The following TCF12 variants were observed in gnomAD, a reference collection of about 807,000 sequenced individuals.
TCF12 encodes transcription factor 12, also known as DNA-binding protein HTF4.
Under a neutral mutation model 86.0 loss-of-function variants are expected in TCF12, and 45 were observed. That is an observed-to-expected ratio of 0.52 (90% CI 0.41 to 0.67). The LOEUF (loss-of-function observed/expected upper bound fraction) is 0.67, where lower values mean the gene tolerates loss of function less well. TCF12 is among the 30% of genes least tolerant of loss of function. The probability of loss-of-function intolerance (pLI) is 0.00; values close to 1 mark genes in which losing one functional copy is unlikely to be tolerated. For synonymous variants in TCF12, 330 were observed against 299.6 expected, an observed-to-expected ratio of 1.10 and a Z score of -1.05; for missense variants, 881 against 859.9, an observed-to-expected ratio of 1.02 and a Z score of -0.31.
chr15:57,097,510 G>A (rs1413721736), intron 5 of TCF12, among the ~76,000 whole-genome samples: 2 of 151,858 alleles, frequency 1.3e-5, no homozygotes, highest in Admixed American at 1.3e-4. Context: ...CTGGGCAACA[G>A]ATCCAACCCT....
chr15:57,170,709 TATAATATATATATTATATATTATATATA>T (rs2055345242), intron 6 of TCF12, among the ~76,000 whole-genome samples: 5 of 14,518 alleles, frequency 3.4e-4, no homozygotes, highest in African/African-American at 1.4e-3. Flanking sequence ...ATATATAATA[TATAATATATATATTATATATTATATATA>T]ATATATATTA....
chr15:57,166,470 A>G lies in TCF12; in HGVS notation c.390+4A>G. On this transcript the variant is annotated splice_donor_region_variant and intron_variant, in intron 6 of 20. Transcript: ENST00000333725. ...TACTGGATTACCAGGCTGTCAAGTA[A>G]GTTTAATGATTAAAAAAAGCAATGA... 1 of 1,611,184 alleles carries G rather than the reference A, an allele frequency of 6.2e-7. No individual in the cohort carries two copies. Among genetic ancestry groups the G allele is most frequent in the Non-Finnish European group, 8.5e-7 (1 of 1,178,798 alleles).
chr15:57,170,682 TATATATA>T (rs1312578701), intron 6 of TCF12, among the ~76,000 whole-genome samples: 615 of 12,712 alleles, frequency 0.048, 11 homozygotes, highest in Middle Eastern at 0.15. Flanking sequence ...TATAATATAT[TATATATA>T]ATATATATTA....
chr15:57,252,735 G>C (rs1490769692), intron 15 of TCF12, among the ~76,000 whole-genome samples: 1 of 151,816 alleles, frequency 6.6e-6, no homozygotes, highest in Non-Finnish European at 1.5e-5. Flanking sequence ...TTGTGTATGG[G>C]GCATGTGTGT....
rs143715329 is a variant in TCF12 at position 56,941,373 on chromosome 15, A to T, written c.148+20275A>T. ...TAGTGTGGGACCCTGTCTCAAAAAA[A>T]TTTTTTTTTTTTTTTTGAGATGGAG... On this transcript the variant is annotated intron_variant, in intron 3 of 20. Coordinates refer to ENST00000333725, the MANE Select transcript of TCF12 (RefSeq NM_207037.2). Among the ~76,000 whole-genome samples the T allele has an allele frequency of 5.7e-4, 82 of 143,208 alleles. 2 individuals carry two copies. The highest frequency in any genetic ancestry group is 1.8e-3 in the South Asian group (8 of 4,404). 94.0% of individuals were successfully genotyped at this position (143,208 alleles called of 152,430 possible).
At chr15:56,924,141 A>G (rs1595696719) in intron 3 of TCF12, among the ~76,000 whole-genome samples, 2 of 152,248 alleles carry the variant, frequency 1.3e-5, no homozygotes, top group African/African-American at 4.8e-5. Flanking sequence ...AGATAGTTGT[A>G]GATTCATATG....
At chr15:57,150,226 T>C (rs1442173451) in intron 5 of TCF12, among the ~76,000 whole-genome samples, 1 of 152,178 alleles carries the variant, frequency 6.6e-6, no homozygotes, top group Non-Finnish European at 1.5e-5. Flanking sequence ...TCAAGATCTT[T>C]AGAGTTTGGT....
At chr15:57,196,106 CT>C (rs2057251343) in intron 7 of TCF12, among the ~76,000 whole-genome samples, 1 of 151,938 alleles carries the variant, frequency 6.6e-6, no homozygotes, top group Non-Finnish European at 1.5e-5. Flanking sequence ...CAGAGAATCA[CT>C]TGAGGCCACC....
At chr15:57,004,642 C>T (rs933325707) in intron 3 of TCF12, among the ~76,000 whole-genome samples, 1 of 152,150 alleles carries the variant, frequency 6.6e-6, no homozygotes, top group Non-Finnish European at 1.5e-5. Context: ...GTCTCCTGAC[C>T]TTGTGATCCA....
intron 5 of TCF12, among the ~76,000 whole-genome samples, chr15:57,165,947 A>T (rs1289223437): frequency 6.6e-6 from 1 of 152,148 alleles, no homozygotes. Context: ...TGGCTATATA[A>T]ATGTCTTTCA....
At chr15:57,103,938 G>A (rs2049936511) in intron 5 of TCF12, among the ~76,000 whole-genome samples, 1 of 152,116 alleles carries the variant, frequency 6.6e-6, no homozygotes, top group Admixed American at 6.6e-5. Flanking sequence ...AACCCGGGAG[G>A]TGGAGGTTGC....
At chr15:56,988,084 A>G (rs75626876) in intron 3 of TCF12, among the ~76,000 whole-genome samples, 6,355 of 152,318 alleles carry the variant, frequency 0.042, 373 homozygotes, top group African/African-American at 0.13. Flanking sequence ...ATTAAACAAG[A>G]ACATTAAAAT....
chr15:57,273,354 T>G, intron 19 of TCF12, 92 bp downstream of exon 19: 1 of 1,316,074 alleles, frequency 7.6e-7, no homozygotes, highest in Non-Finnish European at 1.1e-6. Flanking sequence ...AGAAGTTGTT[T>G]GTTATTTCTC....
At chr15:57,062,048 C>G (rs1292126348) in intron 3 of TCF12, among the ~76,000 whole-genome samples, 1 of 152,042 alleles carries the variant, frequency 6.6e-6, no homozygotes, top group African/African-American at 2.4e-5. Context: ...CCTCCACCTT[C>G]TAGGTTCAAG....
At chr15:57,002,452 C>G (rs188829285) in intron 3 of TCF12, among the ~76,000 whole-genome samples, 1 of 152,340 alleles carries the variant, frequency 6.6e-6, no homozygotes, top group African/African-American at 2.4e-5. Context: ...ATATTATCCA[C>G]CTAACACATA....
intron 8 of TCF12, among the ~76,000 whole-genome samples, chr15:57,206,505 C>G: frequency 6.6e-6 from 1 of 151,330 alleles, no homozygotes; most frequent in East Asian, 1.9e-4. Context: ...AAAAACAGAC[C>G]TAAAGAGTTA....
chr15:56,971,095 A>G (rs567094552), intron 3 of TCF12, among the ~76,000 whole-genome samples: 6 of 152,242 alleles, frequency 3.9e-5, no homozygotes, highest in African/African-American at 1.2e-4. Flanking sequence ...TATCACAGAA[A>G]TAAGGGCTAT....
chr15:56,945,860 C>T (rs1458757035), intron 3 of TCF12, among the ~76,000 whole-genome samples: 1 of 152,090 alleles, frequency 6.6e-6, no homozygotes, highest in African/African-American at 2.4e-5. Flanking sequence ...CATTTGTTAC[C>T]TCAAGAATGA....
chr15:56,935,800 A>G (rs1289864106), intron 3 of TCF12, among the ~76,000 whole-genome samples: 2 of 152,154 alleles, frequency 1.3e-5, no homozygotes, highest in Non-Finnish European at 2.9e-5. Context: ...TGTGAATGCC[A>G]TTAATTTGTT....
Sources: gnomAD v4.1 joint callset for allele counts (sites outside exome capture counted in the v4.1 genomes callset) on GRCh38, gnomAD v4.1.1 for gene constraint, MANE v1.5 for transcripts, NCBI Gene and HGNC (gene_info 2026-07-23, HGNC 2026-07-21) for gene names.